The following CACNA2D1 variants were observed in gnomAD, a reference collection of about 807,000 sequenced individuals.
CACNA2D1 encodes calcium voltage-gated channel auxiliary subunit alpha2delta 1.
Under a neutral mutation model 171.5 loss-of-function variants are expected in CACNA2D1, and 53 were observed. The observed-to-expected ratio is 0.31, with a 90% CI of 0.25 to 0.39. The LOEUF is 0.39. CACNA2D1 is among the 10% of genes least tolerant of loss of function. CACNA2D1 has a pLI of 1.00. For missense variants in CACNA2D1, 903 were observed against 1,299.8 expected (o/e 0.69, Z 4.69); for synonymous variants, 442 against 443.1 (o/e 1.00, Z 0.03).
chr7:82,370,177 T>C (rs1822223593), intron 1 of CACNA2D1, among the ~76,000 whole-genome samples: 1 of 152,022 alleles, frequency 6.6e-6, no homozygotes, highest in African/African-American at 2.4e-5. Context: ...ATTACAGAAC[T>C]CATAGTTAAT....
intron 12 of CACNA2D1, among the ~76,000 whole-genome samples, chr7:82,016,928 G>A (rs568819301): frequency 6.6e-6 from 1 of 151,946 alleles, no homozygotes; most frequent in African/African-American, 2.4e-5. Context: ...CATTTGCCTT[G>A]TTGTAGAGAT....
chr7:82,406,292 C>T (rs1007265658), intron 1 of CACNA2D1, among the ~76,000 whole-genome samples: 4 of 152,140 alleles, frequency 2.6e-5, no homozygotes, highest in East Asian at 1.9e-4. Context: ...CAGTCTATCA[C>T]TGATGGACAT....
intron 3 of CACNA2D1, among the ~76,000 whole-genome samples, chr7:82,275,422 T>C (rs1227663364): frequency 6.6e-6 from 1 of 152,150 alleles, no homozygotes; most frequent in Admixed American, 6.6e-5. Flanking sequence ...TCTCTGATCT[T>C]CTTGAATAGA....
At chr7:82,196,626 A>G (rs1212937672) in intron 3 of CACNA2D1, among the ~76,000 whole-genome samples, 1 of 152,104 alleles carries the variant, frequency 6.6e-6, no homozygotes, top group Admixed American at 6.6e-5. Context: ...AAGAGAAAAC[A>G]GGGACAGTTG....
rs888757222 is a variant in CACNA2D1 at position 82,135,343 on chromosome 7, A to T, written c.396+1292T>A. On this transcript the variant is annotated intron_variant, in intron 5 of 38. Coordinates refer to ENST00000356860, the MANE Select transcript of CACNA2D1 (RefSeq NM_000722.4). ...CTCTTCAAAAATGGTACTTATTTTGATATCAATAAACCATTAAAACATTTT... is the reference window on the plus strand; with the variant it reads ...CTCTTCAAAAATGGTACTTATTTTGTTATCAATAAACCATTAAAACATTTT... 1.9e-4 allele frequency among the ~76,000 whole-genome samples: 29 copies of T among 152,120 alleles called. 1 individual carries two copies. Among genetic ancestry groups the T allele is most frequent in the South Asian group, 2.1e-4 (1 of 4,838 alleles).
chr7:82,038,327 T>G, intron 10 of CACNA2D1, 92 bp from the exon 11 acceptor site: 86 of 1,060,976 alleles, frequency 8.1e-5, no homozygotes, highest in Non-Finnish European at 1.1e-4. Flanking sequence ...CTAAACGGTA[T>G]TGCATTGCTT....
intron 1 of CACNA2D1, among the ~76,000 whole-genome samples, chr7:82,426,868 C>G (rs890314712): frequency 1.3e-5 from 2 of 152,054 alleles, no homozygotes; most frequent in African/African-American, 4.8e-5. Context: ...TACCCGCAGT[C>G]GACCAAAGTC....
chr7:82,318,824 A>G (rs965526329), intron 3 of CACNA2D1, among the ~76,000 whole-genome samples: 2 of 152,178 alleles, frequency 1.3e-5, no homozygotes, highest in Non-Finnish European at 2.9e-5. Flanking sequence ...TAATAATGAG[A>G]AGACAAATAG....
intron 3 of CACNA2D1, among the ~76,000 whole-genome samples, chr7:82,182,555 T>C (rs188960780): frequency 6.6e-6 from 1 of 151,832 alleles, no homozygotes; most frequent in Admixed American, 6.6e-5. Context: ...TTGGTACTTT[T>C]TTCTGCGTTT....
intron 20 of CACNA2D1, among the ~76,000 whole-genome samples, chr7:81,993,646 CA>C (rs1416497486): frequency 6.6e-6 from 1 of 151,990 alleles, no homozygotes; most frequent in Non-Finnish European, 1.5e-5. Flanking sequence ...TATAGTCATT[CA>C]TAGAATAAAT....
intron 3 of CACNA2D1, among the ~76,000 whole-genome samples, chr7:82,226,683 A>G (rs1036512349): frequency 6.6e-6 from 1 of 152,250 alleles, no homozygotes; most frequent in Non-Finnish European, 1.5e-5. Flanking sequence ...TTAATATCCT[A>G]TAGGAAGAAG....
At chr7:82,337,274 C>T (rs1410254969) in intron 2 of CACNA2D1, among the ~76,000 whole-genome samples, 1 of 152,010 alleles carries the variant, frequency 6.6e-6, no homozygotes, top group Non-Finnish European at 1.5e-5. Context: ...AATTGAATTG[C>T]TTTCTTTGGT....
At chr7:82,337,468 T>G (rs1213596440) in intron 2 of CACNA2D1, among the ~76,000 whole-genome samples, 3 of 152,300 alleles carry the variant, frequency 2.0e-5, no homozygotes, top group African/African-American at 7.2e-5. Flanking sequence ...ACAATATATT[T>G]TCATAATATG....
chr7:82,014,620 T>G, intron 12 of CACNA2D1, 141 bp from the exon 13 acceptor site: 1 of 652,262 alleles, frequency 1.5e-6, no homozygotes, highest in Non-Finnish European at 2.7e-6. Context: ...AGTAAAGCCT[T>G]CAGAAAGAGA....
At chr7:82,238,891 A>G (rs982269505) in intron 3 of CACNA2D1, among the ~76,000 whole-genome samples, 72 of 152,062 alleles carry the variant, frequency 4.7e-4, no homozygotes, top group African/African-American at 1.7e-3. Context: ...GGGCAATTGG[A>G]TTCCTTCATT....
intron 3 of CACNA2D1, among the ~76,000 whole-genome samples, chr7:82,254,653 T>C (rs1269743513): frequency 6.6e-6 from 1 of 152,162 alleles, no homozygotes; most frequent in African/African-American, 2.4e-5. Context: ...TGGCCTTTCT[T>C]TGCCTAAATA....
chr7:82,435,344 A>G (rs748371372), intron 1 of CACNA2D1, among the ~76,000 whole-genome samples: 9 of 151,924 alleles, frequency 5.9e-5, no homozygotes, highest in Non-Finnish European at 1.3e-4. Flanking sequence ...GCCCAGATAC[A>G]TATTTCTAAG....
intron 1 of CACNA2D1, among the ~76,000 whole-genome samples, chr7:82,403,534 A>G (rs1008153687): frequency 2.0e-5 from 3 of 152,170 alleles, no homozygotes; most frequent in African/African-American, 7.2e-5. Flanking sequence ...TAGCAAAATC[A>G]TGTAGCAATC....
intron 1 of CACNA2D1, among the ~76,000 whole-genome samples, chr7:82,441,218 T>C (rs1222554914): frequency 6.6e-6 from 1 of 152,048 alleles, no homozygotes; most frequent in Admixed American, 6.5e-5. Flanking sequence ...TTCAGAAATC[T>C]AACATGAAGT....
Sources: allele counts gnomAD v4.1 joint callset (sites outside exome capture counted in the v4.1 genomes callset), GRCh38; gene constraint gnomAD v4.1.1; transcripts MANE v1.5; gene names NCBI Gene and HGNC (gene_info 2026-07-23, HGNC 2026-07-21).